The following MEF2C variants were observed in gnomAD, a reference collection of about 807,000 sequenced individuals.
MEF2C encodes the protein myocyte enhancer factor 2C.
A neutral mutation model predicts 50.5 loss-of-function variants in MEF2C; 6 were observed. The observed-to-expected ratio is 0.12, with a 90% CI of 0.07 to 0.23. MEF2C has a LOEUF of 0.23. MEF2C is among the 10% of genes least tolerant of loss of function. The probability of loss-of-function intolerance (pLI) is 1.00; values close to 1 mark genes in which losing one functional copy is unlikely to be tolerated. For synonymous variants in MEF2C, 183 were observed against 228.0 expected, an observed-to-expected ratio of 0.80 and a Z score of 1.78; for missense variants, 276 against 605.0, an observed-to-expected ratio of 0.46 and a Z score of 5.70.
At position 88,824,440 on chromosome 5, in the gene MEF2C, G is replaced by C. The variant is rs936708321; in HGVS notation, c.-142-510C>G. ...ATTATGAAAGTGCTATTTGATATAT[G>C]TAAATGTCAACTAATTTAAATCTAA... On this transcript the variant is annotated intron_variant, in intron 1 of 10. Transcript: ENST00000504921. 8.2e-6 allele frequency: 6 copies of C among 729,094 alleles called. No individual in the cohort carries two copies. The African/African-American group carries it at 1.2e-4, about 14-fold the overall frequency. 45.2% of individuals were successfully genotyped at this position (729,094 alleles called of 1,614,324 possible).
Position 88,749,081 on chromosome 5 carries a change from C to A in MEF2C, c.626G>T (p.Gly209Val), listed in dbSNP as rs1771356694. ...GAGTCTGGGCTTACCTGCACTGGTG[C>A]CTGCACCAGACGTGAGGTCTCCACC... ...LMGGDLTSGA[G>V]TSAGNGYGNP... Residue 209 changes from glycine to valine, a missense_variant, in exon 6 of 11, where the codon GGC (glycine) becomes GTC (valine). By Grantham distance (109) the Gly-to-Val change is moderately radical. Transcript: ENST00000504921. The A allele has an allele frequency of 6.4e-7, 1 of 1,574,554 alleles. No homozygotes were observed. The highest frequency in any genetic ancestry group is 1.3e-5 in the African/African-American group (1 of 74,220).
At chr5:88,871,197 C>G (rs1202698481) in intron 1 of MEF2C, among the ~76,000 whole-genome samples, 1 of 151,828 alleles carries the variant, frequency 6.6e-6, no homozygotes, top group East Asian at 1.9e-4. Context: ...ACTGAAGCAG[C>G]TGCAGTCAAA....
At chr5:88,818,867 T>C (rs1457915709) in intron 2 of MEF2C, among the ~76,000 whole-genome samples, 1 of 152,000 alleles carries the variant, frequency 6.6e-6, no homozygotes, top group Non-Finnish European at 1.5e-5. Flanking sequence ...CAAGAGTTGT[T>C]TTGATAGAAA....
In MEF2C at chr5:88,730,375, C is replaced by T. The variant is rs1227460532; in HGVS notation, c.811-141G>A. The T allele has an allele frequency of 2.7e-5, 24 of 885,194 alleles. No homozygotes were observed. The South Asian group carries it at 3.6e-4, about 13-fold the overall frequency. The allele number at this position is 885,194 out of a possible 1,614,324, so 54.8% of individuals were successfully genotyped here. On this transcript the variant is annotated intron_variant, in intron 7 of 10. Transcript: ENST00000504921. ...TTTAAAACCCAGACTCCAAAGATAA[C>T]TCCTTACAAAGACATTCTTTGTTTC...
At chr5:88,899,470 C>T (rs1038040195) in intron 1 of MEF2C, among the ~76,000 whole-genome samples, 1 of 152,136 alleles carries the variant, frequency 6.6e-6, no homozygotes, top group Admixed American at 6.6e-5. Context: ...CAAAAAGGCC[C>T]ATCCATTCAT....
intron 3 of MEF2C, among the ~76,000 whole-genome samples, chr5:88,765,559 G>A (rs769507389): frequency 6.6e-6 from 1 of 152,146 alleles, no homozygotes; most frequent in Admixed American, 6.5e-5. Context: ...TGAACGAAAG[G>A]GCTGACTAAA....
At chr5:88,785,026 C>T (rs763901005) in intron 3 of MEF2C, among the ~76,000 whole-genome samples, 3 of 152,038 alleles carry the variant, frequency 2.0e-5, no homozygotes, top group Non-Finnish European at 4.4e-5. Flanking sequence ...CCAGAAGAGT[C>T]GATGTACACA....
chr5:88,853,679 C>A (rs1441532724), intron 1 of MEF2C, among the ~76,000 whole-genome samples: 3 of 152,122 alleles, frequency 2.0e-5, no homozygotes, highest in Non-Finnish European at 4.4e-5. Flanking sequence ...AATATAAAGG[C>A]ATGATTTAGC....
chr5:88,825,552 C>T, intron 1 of MEF2C: 1 of 979,842 alleles, frequency 1.0e-6, no homozygotes, highest in Non-Finnish European at 1.2e-6. Context: ...TTGACAAATA[C>T]ATATAAAAAT....
chr5:88,766,615 A>G (rs922564293), intron 3 of MEF2C: 5 of 983,762 alleles, frequency 5.1e-6, no homozygotes, highest in African/African-American at 1.7e-5. Context: ...TCAAGAATGT[A>G]TATTTTCATC....
rs1169605093 is a variant in MEF2C at position 88,797,454 on chromosome 5, C to CTTT, written c.258+7143_258+7144insAAA. ...TCACAGACTAGGATTGCAACCCTTG[C>CTTT]CTTTTTTTTTTTTTTTTTTTTTTTT... is the stretch of plus-strand genomic sequence containing the variant. On this transcript the variant is annotated intron_variant, in intron 3 of 10. Coordinates refer to ENST00000504921, the MANE Select transcript of MEF2C (RefSeq NM_002397.5). Among the ~76,000 whole-genome samples the CTTT allele has an allele frequency of 2.8e-4, 7 of 25,218 alleles. 2 individuals carry two copies. The highest frequency in any genetic ancestry group is 4.7e-4 in the Non-Finnish European group (5 of 10,734). The allele number at this position is 25,218 out of a possible 152,430, so 16.5% of individuals were successfully genotyped here.
At chr5:88,884,032 T>C (rs1833712536), upstream of MEF2C, among the ~76,000 whole-genome samples, 1 of 152,226 alleles carries the variant, frequency 6.6e-6, no homozygotes, top group South Asian at 2.1e-4. Context: ...GCAAACCTAA[T>C]GACAATTCTT....
chr5:88,878,602 A>G (rs1328192340), intron 1 of MEF2C, among the ~76,000 whole-genome samples: 2 of 152,014 alleles, frequency 1.3e-5, no homozygotes, highest in Admixed American at 6.6e-5. Flanking sequence ...CCTTCCAAGG[A>G]AAGTTTTTCT....
intron 3 of MEF2C, among the ~76,000 whole-genome samples, chr5:88,798,935 T>C (rs1197513836): frequency 6.6e-6 from 1 of 152,222 alleles, no homozygotes; most frequent in Non-Finnish European, 1.5e-5. Context: ...GCTGGAGGTC[T>C]ACTTCAGACC....
At chr5:88,819,265 C>T (rs1366497585) in intron 2 of MEF2C, 3 of 819,936 alleles carry the variant, frequency 3.7e-6, no homozygotes, top group Non-Finnish European at 4.4e-6. Context: ...TGCATCATGA[C>T]ATAATTTTAA....
intron 3 of MEF2C, among the ~76,000 whole-genome samples, chr5:88,795,989 C>A (rs1166049047): frequency 1.3e-5 from 2 of 152,134 alleles, no homozygotes; most frequent in Admixed American, 1.3e-4. Flanking sequence ...AGGGATGAAG[C>A]TGACTTGATC....
chr5:88,787,206 T>C (rs1280710163), intron 3 of MEF2C, among the ~76,000 whole-genome samples: 2 of 152,250 alleles, frequency 1.3e-5, no homozygotes, highest in Non-Finnish European at 1.5e-5. Context: ...CAGTTATTTA[T>C]ATAATCATTC....
At chr5:88,751,326 T>C (rs1772626058) in intron 5 of MEF2C, 4 of 985,454 alleles carry the variant, frequency 4.1e-6, no homozygotes, top group Non-Finnish European at 4.8e-6. Flanking sequence ...TGATTCAGCT[T>C]TGTTTTTATT....
At chr5:88,738,715 CAGTCA>C (rs1765172185) in intron 6 of MEF2C, 1 of 985,198 alleles carries the variant, frequency 1.0e-6, no homozygotes, top group Admixed American at 6.2e-5. Flanking sequence ...AGGGACAGGA[CAGTCA>C]AGGTTGTCCT....
Sources: allele counts gnomAD v4.1 joint callset (sites outside exome capture counted in the v4.1 genomes callset), GRCh38; gene constraint gnomAD v4.1.1; transcripts MANE v1.5; gene names NCBI Gene and HGNC (gene_info 2026-07-23, HGNC 2026-07-21).